Variants in DLG2 observed in about 807,000 individuals in gnomAD.
The protein encoded by DLG2 is disks large homolog 2.
A neutral mutation model predicts 132.5 loss-of-function variants in DLG2; 45 were observed. The ratio of observed to expected loss-of-function variants is 0.34; its 90% CI spans 0.27 to 0.44. DLG2 has a LOEUF of 0.44. DLG2 is among the 20% of genes least tolerant of loss of function. The pLI is 1.00. For synonymous variants in DLG2, 424 were observed against 419.6 expected (o/e 1.01, Z -0.13); for missense variants, 1,045 against 1,196.9 (o/e 0.87, Z 1.87).
At chr11:85,451,236 A>G (rs960428675) in intron 3 of DLG2, among the ~76,000 whole-genome samples, 2 of 152,128 alleles carry the variant, frequency 1.3e-5, no homozygotes, top group Admixed American at 6.6e-5. Flanking sequence ...CTAACTCACA[A>G]CCAAACCATT....
chr11:84,627,122 C>T (rs2099624188), intron 6 of DLG2, among the ~76,000 whole-genome samples: 1 of 152,092 alleles, frequency 6.6e-6, no homozygotes, highest in Non-Finnish European at 1.5e-5. Flanking sequence ...CTGCCTGCCT[C>T]AGCCTCCTAA....
At chr11:83,791,734 G>T (rs1002786471) in intron 17 of DLG2, among the ~76,000 whole-genome samples, 1 of 152,170 alleles carries the variant, frequency 6.6e-6, no homozygotes, top group East Asian at 1.9e-4. Flanking sequence ...AGGAGCTCAA[G>T]ACCAGCTTGG....
chr11:84,967,913 T>C (rs2053555085), intron 6 of DLG2, among the ~76,000 whole-genome samples: 1 of 152,088 alleles, frequency 6.6e-6, no homozygotes, highest in Non-Finnish European at 1.5e-5. Context: ...TTCTAAAAGG[T>C]CCTGTTCTTC....
At chr11:85,229,414 G>A (rs1036727368) in intron 4 of DLG2, among the ~76,000 whole-genome samples, 1 of 152,052 alleles carries the variant, frequency 6.6e-6, no homozygotes, top group Non-Finnish European at 1.5e-5. Flanking sequence ...GGTCATTAGA[G>A]AAATGCAAAT....
chr11:83,539,051 T>G (rs2095981611), intron 20 of DLG2, among the ~76,000 whole-genome samples: 1 of 152,196 alleles, frequency 6.6e-6, no homozygotes, highest in African/African-American at 2.4e-5. Context: ...CTCAATCTCC[T>G]CATTTGTAAA....
At chr11:84,292,637 T>C (rs1019659721) in intron 7 of DLG2, among the ~76,000 whole-genome samples, 6 of 152,170 alleles carry the variant, frequency 3.9e-5, no homozygotes, top group African/African-American at 1.4e-4. Context: ...CTATATCTTA[T>C]CTGGGTTTGA....
chr11:85,310,058 C>G (rs2080216972), intron 3 of DLG2, among the ~76,000 whole-genome samples: 1 of 152,136 alleles, frequency 6.6e-6, no homozygotes, highest in African/African-American at 2.4e-5. Flanking sequence ...GCATTGGTAA[C>G]TGATAGGAAA....
intron 18 of DLG2, among the ~76,000 whole-genome samples, chr11:83,772,405 G>A (rs1444290092): frequency 6.0e-5 from 8 of 134,110 alleles, no homozygotes; most frequent in African/African-American, 2.2e-4. Context: ...GCAAGACCCT[G>A]TCTCAATAAA....
chr11:84,947,513 A>C (rs1413126586), intron 6 of DLG2, among the ~76,000 whole-genome samples: 2 of 152,164 alleles, frequency 1.3e-5, no homozygotes, highest in African/African-American at 4.8e-5. Context: ...AAATTCCTCC[A>C]TGCCAACAAC....
intron 7 of DLG2, among the ~76,000 whole-genome samples, chr11:84,401,221 A>G (rs1191408477): frequency 6.6e-6 from 1 of 152,204 alleles, no homozygotes; most frequent in Non-Finnish European, 1.5e-5. Context: ...TGCATAGTAT[A>G]TTAAAGAAGA....
In DLG2 at chr11:83,848,764, C is replaced by T. The variant is rs573200998; in HGVS notation, c.1566-14994G>A. Among the ~76,000 whole-genome samples the T allele has an allele frequency of 2.2e-3, 330 of 152,318 alleles. 2 individuals are homozygous for T. The highest frequency in any genetic ancestry group is 2.6e-3 in the Non-Finnish European group (174 of 68,030). On this transcript the variant is annotated intron_variant, in intron 16 of 27. Coordinates refer to ENST00000376104, the MANE Select transcript of DLG2 (RefSeq NM_001142699.3). ...AACTTCCAATACATTCCTTCTGGCACTATACCTATCAATTATGCATAAATT... is the reference window on the plus strand; with the variant it reads ...AACTTCCAATACATTCCTTCTGGCATTATACCTATCAATTATGCATAAATT...
intron 19 of DLG2, among the ~76,000 whole-genome samples, chr11:83,597,006 T>G (rs2057705851): frequency 6.6e-6 from 1 of 152,198 alleles, no homozygotes; most frequent in African/African-American, 2.4e-5. Context: ...ACTTGTTTTC[T>G]TCACTGAGAC....
rs566045640 is a variant in DLG2 at position 84,857,318 on chromosome 11, G to C, written c.357+254343C>G. On this transcript the variant is annotated intron_variant, in intron 6 of 27. Coordinates refer to ENST00000376104, the MANE Select transcript of DLG2 (RefSeq NM_001142699.3). Reference sequence around the variant, plus strand: ...ATAAAGGAGTTAACTGATTAAACAAGGTTCCAGAAGAGATGAGAAGGTAAG... The same window carrying C: ...ATAAAGGAGTTAACTGATTAAACAACGTTCCAGAAGAGATGAGAAGGTAAG... Among the ~76,000 whole-genome samples the C allele has an allele frequency of 3.6e-4, 54 of 151,968 alleles. 4 individuals are homozygous for C. In the South Asian group the frequency reaches 0.011, roughly 32 times the overall value.
intron 6 of DLG2, among the ~76,000 whole-genome samples, chr11:85,098,121 CTCAT>C (rs1335105403): frequency 6.6e-6 from 1 of 152,188 alleles, no homozygotes; most frequent in African/African-American, 2.4e-5. Context: ...CTTTTATCAT[CTCAT>C]TCAATCACAG....
At chr11:84,666,788 G>A (rs575716664) in intron 6 of DLG2, among the ~76,000 whole-genome samples, 1 of 151,924 alleles carries the variant, frequency 6.6e-6, no homozygotes, top group South Asian at 2.1e-4. Flanking sequence ...CCTATTTCAT[G>A]GCTGAAGAAA....
chr11:84,842,123 T>C (rs932555758), intron 6 of DLG2, among the ~76,000 whole-genome samples: 3 of 152,012 alleles, frequency 2.0e-5, no homozygotes, highest in African/African-American at 7.2e-5. Flanking sequence ...TCAATCTTGC[T>C]AGATTCCCAG....
intron 6 of DLG2, among the ~76,000 whole-genome samples, chr11:84,778,544 T>G (rs943026647): frequency 6.6e-6 from 1 of 152,220 alleles, no homozygotes; most frequent in Non-Finnish European, 1.5e-5. Flanking sequence ...TTGAGCAGTA[T>G]AGTCATGTTA....
At chr11:84,522,772 A>G (rs1389505134) in intron 7 of DLG2, among the ~76,000 whole-genome samples, 1 of 152,232 alleles carries the variant, frequency 6.6e-6, no homozygotes, top group East Asian at 1.9e-4. Context: ...CTATTTTTAT[A>G]CTTATTAAAC....
At chr11:84,157,966 T>C (rs2095465761) in intron 9 of DLG2, among the ~76,000 whole-genome samples, 1 of 152,216 alleles carries the variant, frequency 6.6e-6, no homozygotes, top group Non-Finnish European at 1.5e-5. Context: ...ATAAAGAACA[T>C]TATGAGAAAA....
Sources: allele counts gnomAD v4.1 joint callset (sites outside exome capture counted in the v4.1 genomes callset), GRCh38; gene constraint gnomAD v4.1.1; transcripts MANE v1.5; gene names NCBI Gene and HGNC (gene_info 2026-07-23, HGNC 2026-07-21).